ESYT1: variants seen among roughly 807,000 people sequenced by gnomAD.
ESYT1 encodes extended synaptotagmin-1.
Under a neutral mutation model 154.2 loss-of-function variants are expected in ESYT1, and 116 were observed. The ratio of observed to expected loss-of-function variants is 0.75; its 90% CI spans 0.65 to 0.88. The LOEUF (loss-of-function observed/expected upper bound fraction) is 0.88. Ranked by LOEUF, ESYT1 falls within the 40% of genes least tolerant of loss-of-function variation. The pLI, the probability that ESYT1 is intolerant of heterozygous loss-of-function variation, is 0.00. For synonymous variants in ESYT1, 500 were observed against 539.9 expected (o/e 0.93, Z 1.02); for missense variants, 1,264 against 1,379.3 (o/e 0.92, Z 1.32).
At chr12:56,143,454 G>T in intron 29 of ESYT1, 121 bp downstream of exon 29, 1 of 1,494,130 alleles carries the variant, frequency 6.7e-7, no homozygotes, top group South Asian at 1.2e-5. Flanking sequence ...CCTCTGCAAT[G>T]GTTTGGGACG....
chr12:56,140,144 A>G (rs1349902175), intron 24 of ESYT1, among the ~76,000 whole-genome samples: 1 of 152,106 alleles, frequency 6.6e-6, no homozygotes, highest in African/African-American at 2.4e-5. Flanking sequence ...CTGGGATTAC[A>G]AGCGTGAGAA....
chr12:56,141,524 A>C (rs1245383091), intron 24 of ESYT1, among the ~76,000 whole-genome samples: 4 of 152,082 alleles, frequency 2.6e-5, no homozygotes, highest in South Asian at 4.1e-4. Context: ...GCAGATCACA[A>C]GGTCAGGAGA....
In ESYT1 at chr12:56,131,784, G is replaced by A; in HGVS notation, c.840G>A (p.Leu280=). Residue 280 remains leucine, a synonymous_variant, in exon 7 of 31, where the codon CTG becomes CTA. Coordinates refer to ENST00000394048, the MANE Select transcript of ESYT1 (RefSeq NM_015292.3). ...LDINWTGMTN[L]LDIPGLSSLS... ...TCAACTGGACAGGGATGACCAACCT[G>A]CTGGATATCCCAGGACTTAGGTATC... is the stretch of plus-strand genomic sequence containing the variant. The A allele has an allele frequency of 6.2e-7, 1 of 1,614,170 alleles. No homozygotes were observed. Among genetic ancestry groups the A allele is most frequent in the South Asian group, 1.1e-5 (1 of 91,086 alleles).
At chr12:56,133,145 A>T (rs1271636893) in intron 10 of ESYT1, among the ~76,000 whole-genome samples, 1 of 152,038 alleles carries the variant, frequency 6.6e-6, no homozygotes, top group African/African-American at 2.4e-5. Context: ...AAAAATAAAA[A>T]AAATAAAGCC....
At chr12:56,143,382 C>T (rs1320190073) in intron 29 of ESYT1, 49 bp downstream of exon 29, 3 of 1,586,094 alleles carry the variant, frequency 1.9e-6, no homozygotes, top group African/African-American at 1.3e-5. Context: ...AAGCTGCTGG[C>T]ACCAAGGTTA....
At position 56,143,049 on chromosome 12, in the gene ESYT1, A is replaced by G. The variant is rs1870778566; in HGVS notation, c.3020A>G (p.Asp1007Gly). The change falls in exon 28 of 31, where the codon GAT (aspartate) becomes GGT (glycine). Residue 1007 changes from aspartate (D) to glycine (G), a missense_variant. Transcript: ENST00000394048. ...SLRQNGRDPPDPYVSLLLLPD... is the reference protein window; with the variant it reads ...SLRQNGRDPPGPYVSLLLLPD... ...CGACAGAATGGACGTGATCCTCCTG[A>G]TCCCTATGTGTCACTGTTGCTACTG... The G allele has an allele frequency of 6.2e-7, 1 of 1,614,136 alleles. No homozygotes were observed. The highest frequency in any genetic ancestry group is 1.1e-5 in the South Asian group (1 of 91,080).
chr12:56,141,656 C>G (rs1204431117), intron 24 of ESYT1, among the ~76,000 whole-genome samples: 1 of 152,160 alleles, frequency 6.6e-6, no homozygotes, highest in Non-Finnish European at 1.5e-5. Context: ...AGGAGAATGG[C>G]GTGAACCCAG....
At position 56,130,206 on chromosome 12, in the gene ESYT1, C is replaced by A. The variant is rs530310559; in HGVS notation, c.391-376C>A. ...GATTACAGATGCGAGCCACCGCGGC[C>A]AGCCTGGAACCAGGACTTTTTAAAT... is the stretch of plus-strand genomic sequence containing the variant. On this transcript the variant is annotated intron_variant, in intron 1 of 30. Coordinates refer to ENST00000394048, the MANE Select transcript of ESYT1 (RefSeq NM_015292.3). 11 of 318,958 alleles carry A rather than the reference C, an allele frequency of 3.4e-5. No individual in the cohort carries two copies. In the South Asian group the frequency reaches 3.7e-4, roughly 11 times the overall value. The allele number at this position is 318,958 out of a possible 1,614,324, so 19.8% of individuals were successfully genotyped here.
rs1253426987 is a variant in ESYT1 at position 56,143,009 on chromosome 12, T to C, written c.2988-8T>C. On this transcript the variant is annotated splice_polypyrimidine_tract_variant and splice_region_variant and intron_variant, in intron 27 of 30. Transcript: ENST00000394048. The stretch of plus-strand genomic sequence containing the variant: ...GGTTACCATATCACCTACATCCTCC[T>C]GTTGTAGGTCCCTTCGACAGAATGG... The C allele has an allele frequency of 1.9e-6, 3 of 1,614,122 alleles. No individual in the cohort carries two copies. The highest frequency in any genetic ancestry group is 2.2e-5 in the South Asian group (2 of 91,076).
rs749119230 is a variant in ESYT1, at chr12:56,138,909, A to T, written c.2506-18A>T. 20 of 1,612,970 alleles carry T rather than the reference A, an allele frequency of 1.2e-5. No individual in the cohort carries two copies. In the Admixed American group the frequency reaches 3.2e-4, roughly 26 times the overall value. On this transcript the variant is annotated intron_variant, in intron 23 of 30. Transcript: ENST00000394048. ...ATAAGAGTATCAGCTACTGATCATAAGCCCTCATCTCCACCAGACTATTTC... is the reference window on the plus strand; with the variant it reads ...ATAAGAGTATCAGCTACTGATCATATGCCCTCATCTCCACCAGACTATTTC...
intron 15 of ESYT1, among the ~76,000 whole-genome samples, chr12:56,135,733 A>C (rs967801328): frequency 1.3e-5 from 2 of 151,182 alleles, no homozygotes; most frequent in Non-Finnish European, 3.0e-5. Flanking sequence ...CTCTACTAAA[A>C]ATACAAAAAT....
chr12:56,128,473 C>T lies in ESYT1; in HGVS notation c.154C>T (p.Leu52=). Residue 52 remains leucine, a synonymous_variant, in exon 1 of 31, where the codon CTG becomes TTG. Transcript: ENST00000394048. ...TGGCCCTGGCGCGGCGGGTGAGGCC[C>T]TGGCGGTGCTGACTTCATTCGGGAG... The part of the protein sequence containing the change: ...PAGPGAAGEA[L]AVLTSFGRRL... 1.2e-6 allele frequency: 2 copies of T among 1,610,852 alleles called. No homozygotes were observed. Among genetic ancestry groups the T allele is most frequent in the Non-Finnish European group, 1.7e-6 (2 of 1,178,468 alleles).
At chr12:56,143,378 C>G (rs768316469) in intron 29 of ESYT1, 45 bp downstream of exon 29, 1 of 1,592,514 alleles carries the variant, frequency 6.3e-7, no homozygotes, top group Non-Finnish European at 8.6e-7. Flanking sequence ...CTGGAAGCTG[C>G]TGGCACCAAG....
Position 56,131,486 on chromosome 12 carries a change from G to A in ESYT1, c.724G>A (p.Val242Ile), listed in dbSNP as rs141902607. 7.4e-6 allele frequency: 12 copies of A among 1,614,044 alleles called. No homozygotes were observed. The African/African-American group carries it at 1.1e-4, about 14-fold the overall frequency. The change falls in exon 6 of 31, where the codon GTT becomes ATT. Residue 242 changes from valine to isoleucine, a missense_variant. Coordinates refer to ENST00000394048, the MANE Select transcript of ESYT1 (RefSeq NM_015292.3). The part of the protein sequence containing the change: ...AGVKGMQLHG[V>I]LRVILEPLIG... ...TCTCTTCTTGCCTCAGCTACATGGC[G>A]TTTTGCGGGTGATACTGGAGCCACT...
intron 19 of ESYT1, 48 bp downstream of exon 19, chr12:56,137,962 C>T: frequency 6.2e-7 from 1 of 1,612,646 alleles, no homozygotes; most frequent in Non-Finnish European, 8.5e-7. Context: ...GCTCTTTAGG[C>T]CATGGAGTCT....
At chr12:56,128,829 T>G (rs1383996858) in intron 1 of ESYT1, 120 bp downstream of exon 1, 6 of 1,226,558 alleles carry the variant, frequency 4.9e-6, no homozygotes, top group Non-Finnish European at 6.8e-6. Context: ...CCCCAGACTT[T>G]CCCCTCTCTC....
chr12:56,135,228 G>A (rs894770931), intron 15 of ESYT1, among the ~76,000 whole-genome samples: 6 of 151,092 alleles, frequency 4.0e-5, no homozygotes, highest in African/African-American at 1.5e-4. Context: ...GAGTGCAATG[G>A]CGTGGTCTCG....
chr12:56,140,931 G>A lies in ESYT1; in HGVS notation c.2593-1354G>A, dbSNP rs373514685. On this transcript the variant is annotated intron_variant, in intron 24 of 30. Coordinates refer to ENST00000394048, the MANE Select transcript of ESYT1 (RefSeq NM_015292.3). ...GGGTGGCTAGATGGATAAGGGTGCC[G>A]TTGCTGACTTAGGGAGTGCACAGAG... 6.6e-5 allele frequency among the ~76,000 whole-genome samples: 10 copies of A among 152,308 alleles called. No homozygotes were observed. In the South Asian group the frequency reaches 1.0e-3, roughly 16 times the overall value.
Position 56,131,756 on chromosome 12 carries a change from A to G in ESYT1, c.812A>G (p.Asp271Gly). 6.2e-7 allele frequency: 1 copy of G among 1,614,144 alleles called. No individual in the cohort carries two copies. Among genetic ancestry groups the G allele is most frequent in the Non-Finnish European group, 8.5e-7 (1 of 1,180,020 alleles). Residue 271 changes from aspartate (D) to glycine (G), a missense_variant, in exon 7 of 31, where the codon GAC becomes GGC. By Grantham distance (94) the Asp-to-Gly change is moderately conservative (BLOSUM62 -1). Transcript: ENST00000394048. ...CCTGCTCTTTCCCTCCAGACCCTAG[A>G]CATCAACTGGACAGGGATGACCAAC... ...SMFFIRRPTL[D>G]INWTGMTNLL...
Sources: allele counts gnomAD v4.1 joint callset (sites outside exome capture counted in the v4.1 genomes callset), GRCh38; gene constraint gnomAD v4.1.1; transcripts MANE v1.5; gene names NCBI Gene and HGNC (gene_info 2026-07-23, HGNC 2026-07-21).